The following GAS7 variants were observed in gnomAD, a reference collection of about 807,000 sequenced individuals.
GAS7 encodes the protein growth arrest-specific protein 7.
Under a neutral mutation model 71.1 loss-of-function variants are expected in GAS7, and 28 were observed. The ratio of observed to expected loss-of-function variants is 0.39; its 90% CI spans 0.29 to 0.54. GAS7 has a LOEUF of 0.54. Ranked by LOEUF, GAS7 falls within the 20% of genes least tolerant of loss-of-function variation. GAS7 has a pLI of 0.62. For synonymous variants in GAS7, 258 were observed against 245.8 expected (o/e 1.05, Z -0.46); for missense variants, 436 against 627.8 (o/e 0.69, Z 3.27).
intron 1 of GAS7, among the ~76,000 whole-genome samples, chr17:10,165,169 G>A (rs1416861317): frequency 6.6e-6 from 1 of 150,904 alleles, no homozygotes; most frequent in Non-Finnish European, 1.5e-5. Context: ...GCGGGTGCCT[G>A]TAGTCCCAGC....
intron 1 of GAS7, among the ~76,000 whole-genome samples, chr17:10,079,359 G>C (rs917900639): frequency 6.6e-6 from 1 of 152,188 alleles, no homozygotes; most frequent in Non-Finnish European, 1.5e-5. Flanking sequence ...AGTTTAACCT[G>C]AAAGACTGGT....
intron 1 of GAS7, among the ~76,000 whole-genome samples, chr17:10,021,368 G>A (rs1221120106): frequency 1.3e-5 from 2 of 152,218 alleles, no homozygotes; most frequent in African/African-American, 4.8e-5. Flanking sequence ...CTTTGTGAAG[G>A]TTGCAAAACC....
intron 1 of GAS7, among the ~76,000 whole-genome samples, chr17:10,088,253 T>TAATAATAATAAA: frequency 6.8e-6 from 1 of 146,332 alleles, no homozygotes; most frequent in Non-Finnish European, 1.5e-5. Flanking sequence ...ATAATAATAA[T>TAATAATAATAAA]AATAAATATG....
Position 10,034,611 on chromosome 17 carries a change from A to G in GAS7, c.184-14714T>C, listed in dbSNP as rs2072703263. Among the ~76,000 whole-genome samples, 1 of 152,166 alleles carries G rather than the reference A, an allele frequency of 6.6e-6. No individual in the cohort carries two copies. Among genetic ancestry groups the G allele is most frequent in the African/African-American group, 2.4e-5 (1 of 41,446 alleles). ...GGCGTGAGCCACTGCGCCCGGCCCA[A>G]TAATTCTAAATGTCAGCATTAGTAT... On this transcript the variant is annotated intron_variant, in intron 1 of 13. Transcript: ENST00000432992. This position sits in a 1 kb window ranked among gnomAD's most constrained non-coding sequence, Gnocchi z 4.4.
intron 2 of GAS7, among the ~76,000 whole-genome samples, chr17:10,007,485 G>A (rs573122643): frequency 3.3e-5 from 5 of 151,832 alleles, no homozygotes; most frequent in Admixed American, 1.3e-4. Flanking sequence ...TTAGCCAGGC[G>A]TGGTGGTGGG....
Position 10,198,544 on chromosome 17 carries a change from C to G in GAS7, c.-154G>C. On this transcript the variant is annotated 5_prime_UTR_variant, in exon 1 of 14. Coordinates refer to ENST00000432992, the MANE Select transcript of GAS7 (RefSeq NM_201433.2). ...GGGTGCGCGGGGGTCCTCAGGCAGG[C>G]GGGGGACGCGCGCTCCGCGCCGGGA... 1 of 420,178 alleles carries G rather than the reference C, an allele frequency of 2.4e-6. No homozygotes were observed. Among genetic ancestry groups the G allele is most frequent in the Non-Finnish European group, 4.0e-6 (1 of 248,428 alleles). 26.0% of individuals were successfully genotyped at this position (420,178 alleles called of 1,614,324 possible). A position where few individuals can be genotyped will look rare whatever the true frequency, so the allele number is the denominator to read the frequency against.
At chr17:10,059,890 A>G in intron 1 of GAS7, 1 of 773,826 alleles carries the variant, frequency 1.3e-6, no homozygotes, top group Non-Finnish European at 1.6e-6. Context: ...ATGATATTCA[A>G]AATGAAAGAG....
intron 1 of GAS7, among the ~76,000 whole-genome samples, chr17:10,061,840 A>T (rs1025555439): frequency 2.0e-5 from 3 of 152,130 alleles, no homozygotes; most frequent in Admixed American, 6.5e-5. Flanking sequence ...CCTGGTTTCT[A>T]GGGGAACAAT....
intron 1 of GAS7, among the ~76,000 whole-genome samples, chr17:10,120,808 A>G (rs1325176412): frequency 6.6e-6 from 1 of 152,230 alleles, no homozygotes; most frequent in East Asian, 1.9e-4. Context: ...CCACGTGGGC[A>G]GCCGGGGGAG....
intron 5 of GAS7, among the ~76,000 whole-genome samples, chr17:9,951,770 A>AAAAC (rs1168132191): frequency 1.3e-5 from 2 of 150,186 alleles, no homozygotes; most frequent in Non-Finnish European, 3.0e-5. Flanking sequence ...CAAAAAAAAA[A>AAAAC]AAAAAAAAAA....
intron 5 of GAS7, among the ~76,000 whole-genome samples, chr17:9,957,972 G>A (rs1301537204): frequency 2.0e-5 from 3 of 152,192 alleles, no homozygotes; most frequent in Non-Finnish European, 4.4e-5. Context: ...CTGTGCCTCA[G>A]TTTCCTCATC....
chr17:10,091,182 T>C (rs2073578054), intron 1 of GAS7, among the ~76,000 whole-genome samples: 2 of 152,028 alleles, frequency 1.3e-5, no homozygotes, highest in Non-Finnish European at 2.9e-5. Context: ...CCATTAAAAA[T>C]CTAGCACAAC....
Position 9,926,542 on chromosome 17 carries a change from T to A in GAS7, c.1014+99A>T, listed in dbSNP as rs373435926. Reference sequence around the variant, plus strand: ...TATTCCCCTACCTGGGGACAAAGACTCAGCCTTGGCGTATGGAGCCACTGC... The same window carrying A: ...TATTCCCCTACCTGGGGACAAAGACACAGCCTTGGCGTATGGAGCCACTGC... On this transcript the variant is annotated intron_variant, in intron 10 of 13. Transcript: ENST00000432992. This position sits in a 1 kb window ranked among gnomAD's most constrained non-coding sequence, Gnocchi z 5.0. 1.0e-5 allele frequency: 13 copies of A among 1,293,914 alleles called. No individual in the cohort carries two copies. In the African/African-American group the frequency reaches 1.3e-4, roughly 13 times the overall value. 80.2% of individuals were successfully genotyped at this position (1,293,914 alleles called of 1,614,324 possible).
rs1002191530 is a variant in GAS7 at position 9,935,962 on chromosome 17, C to G, written c.807-1718G>C. On this transcript the variant is annotated intron_variant, in intron 8 of 13. Coordinates refer to ENST00000432992, the MANE Select transcript of GAS7 (RefSeq NM_201433.2). ...GTGGCAGGAGTAGTCCTGGCAGTTA[C>G]ACAGATCAGCGGAACAGAACACAAA... is the stretch of plus-strand genomic sequence containing the variant. 2.6e-5 allele frequency among the ~76,000 whole-genome samples: 4 copies of G among 152,200 alleles called. 1 individual carries two copies. The highest frequency in any genetic ancestry group is 2.6e-4 in the Admixed American group (4 of 15,288).
At chr17:9,943,320 T>C in intron 6 of GAS7, 84 bp from the exon 7 acceptor site, 1 of 795,988 alleles carries the variant, frequency 1.3e-6, no homozygotes. Flanking sequence ...GGACGGCTCC[T>C]AGATGTGCCT....
rs779560232 is a variant in GAS7 at position 9,925,560 on chromosome 17, T to C, written c.1054A>G (p.Met352Val). 43 of 1,614,010 alleles carry C rather than the reference T, an allele frequency of 2.7e-5. No individual in the cohort carries two copies. Among genetic ancestry groups the C allele is most frequent in the Admixed American group, 1.8e-4 (11 of 60,002 alleles). ...TTGATCTCCAGCTGCTGGGTCTTCA[T>C]CTCCAGGTCTCTCTGCCGCTCTGTG... ...ALTERQRDLE[M>V]KTQQLEIKLS... is the part of the protein sequence containing the mutation. The change falls in exon 11 of 14, where the codon ATG (methionine) becomes GTG (valine). Residue 352 changes from methionine (M) to valine (V), a missense_variant. By Grantham distance (21) the Met-to-Val change is conservative. Coordinates refer to ENST00000432992, the MANE Select transcript of GAS7 (RefSeq NM_201433.2).
At chr17:10,112,472 A>G (rs1468809220) in intron 1 of GAS7, among the ~76,000 whole-genome samples, 1 of 152,200 alleles carries the variant, frequency 6.6e-6, no homozygotes, top group African/African-American at 2.4e-5. Flanking sequence ...GCGGTGTCTC[A>G]CGCCTGTAAT....
intron 5 of GAS7, among the ~76,000 whole-genome samples, chr17:9,955,743 C>T (rs568975367): frequency 6.6e-6 from 1 of 152,218 alleles, no homozygotes; most frequent in Non-Finnish European, 1.5e-5. Flanking sequence ...CAGAGAGGGG[C>T]ACGCCTCCCC....
intron 12 of GAS7, among the ~76,000 whole-genome samples, chr17:9,918,396 TCTC>T (rs2152065610): frequency 6.6e-6 from 1 of 152,220 alleles, no homozygotes; most frequent in East Asian, 1.9e-4. Flanking sequence ...TTATCCCCAT[TCTC>T]CAAGCAAGGG....
Sources: gnomAD v4.1 joint callset for allele counts (sites outside exome capture counted in the v4.1 genomes callset) on GRCh38, gnomAD v4.1.1 for gene constraint, Gnocchi (gnomAD v3.1) non-coding constraint, MANE v1.5 for transcripts, NCBI Gene and HGNC (gene_info 2026-07-23, HGNC 2026-07-21) for gene names.